MINDY1: variants seen among roughly 807,000 people sequenced by gnomAD.
MINDY1 encodes the protein MINDY lysine 48 deubiquitinase 1.
In MINDY1, 50 loss-of-function variants were observed where a neutral mutation model predicts 53.6. That is an observed-to-expected ratio of 0.93 (90% CI 0.74 to 1.18). The LOEUF (loss-of-function observed/expected upper bound fraction) is 1.18, where lower values mean the gene tolerates loss of function less well. Ranked by LOEUF, MINDY1 falls within the 50% of genes most tolerant of loss-of-function variation. The pLI is 0.00. For synonymous variants in MINDY1, 231 were observed against 234.7 expected (o/e 0.98, Z 0.14); for missense variants, 484 against 578.6 (o/e 0.84, Z 1.68).
rs966197921 is a variant in MINDY1, at chr1:151,006,501, C to A, written c.-279G>T. On this transcript the variant is annotated 5_prime_UTR_variant, in exon 1 of 10. Coordinates refer to ENST00000683666, the MANE Select transcript of MINDY1 (RefSeq NM_001376665.1). The stretch of plus-strand genomic sequence containing the variant: ...GCTGGGTTGTGGCCACTTCCGGACT[C>A]ACGCCCAGTACTGGGGGCACTGGAG... 5.7e-5 allele frequency: 60 copies of A among 1,048,950 alleles called. No individual in the cohort carries two copies. Among genetic ancestry groups the A allele is most frequent in the Non-Finnish European group, 6.7e-5 (58 of 867,930 alleles). The allele number at this position is 1,048,950 out of a possible 1,614,324, so 65.0% of individuals were successfully genotyped here.
In MINDY1 at chr1:151,000,468, C is replaced by T. The variant is rs755483762; in HGVS notation, c.724G>A (p.Val242Ile). ...LGIPLYHGWL[V>I]DPQSPEAVRA... ...CCTCCCACCCTCACCTGTGGATCAA[C>T]AAGCCAGCCATGGTACAGAGGTATG... is the stretch of plus-strand genomic sequence containing the variant. The change falls in exon 5 of 10, where the codon GTT becomes ATT. Residue 242 changes from valine to isoleucine, a missense_variant. Transcript: ENST00000683666. The T allele has an allele frequency of 6.2e-7, 1 of 1,604,142 alleles. No individual in the cohort carries two copies. Among genetic ancestry groups the T allele is most frequent in the Non-Finnish European group, 8.5e-7 (1 of 1,175,542 alleles).
Position 150,998,206 on chromosome 1 carries a change from A to G in MINDY1, c.1049T>C (p.Leu350Pro). Reference sequence around the variant, plus strand: ...GCAGCTGTCTCCATCCACATTGTGCAGGCTCTCCCATACGACTTGCTCCTC... The same window carrying G: ...GCAGCTGTCTCCATCCACATTGTGCGGGCTCTCCCATACGACTTGCTCCTC... Reference protein sequence around the residue: ...LQEEQVVWESLHNVDGDSCFC... With the variant: ...LQEEQVVWESPHNVDGDSCFC... The change falls in exon 8 of 10, where the codon CTG becomes CCG. Residue 350 changes from leucine (L) to proline (P), a missense_variant. Physicochemically the swap from Leu to Pro is moderately conservative, Grantham distance 98 (BLOSUM62 -3). Coordinates refer to ENST00000683666, the MANE Select transcript of MINDY1 (RefSeq NM_001376665.1). 1.9e-6 allele frequency: 3 copies of G among 1,614,218 alleles called. No homozygotes were observed. The highest frequency in any genetic ancestry group is 2.5e-6 in the Non-Finnish European group (3 of 1,180,048).
At position 151,001,299 on chromosome 1, in the gene MINDY1, G is replaced by A. The variant is rs1672539737; in HGVS notation, c.527C>T (p.Ser176Phe). The change falls in exon 4 of 10, where the codon TCC (serine) becomes TTC (phenylalanine). Residue 176 changes from serine to phenylalanine, a missense_variant. Physicochemically the swap from Ser to Phe is radical, Grantham distance 155. Transcript: ENST00000683666. Reference sequence around the variant, plus strand: ...CTCTGACTTCTCCTGGGGCTTGATGGACAGGAGGCAGTTTCCTACAAGACA... The same window carrying A: ...CTCTGACTTCTCCTGGGGCTTGATGAACAGGAGGCAGTTTCCTACAAGACA... ...LMAHLGNCLLSIKPQEKSEGL... is the reference protein window; with the variant it reads ...LMAHLGNCLLFIKPQEKSEGL... The A allele has an allele frequency of 6.2e-7, 1 of 1,614,128 alleles. No individual in the cohort carries two copies.
Position 150,998,096 on chromosome 1 carries a change from G to A in MINDY1, c.1159C>T (p.Leu387=), listed in dbSNP as rs762445581. The change falls in exon 8 of 10, where the codon CTG becomes TTG. Residue 387 remains leucine, a synonymous_variant. Transcript: ENST00000683666. ...EGGSGSPETQ[L]QVDQDYLIAL... ...GCCCTACACACCTGGTCTACCTGCA[G>A]CTGCGTTTCTGGGGAGCCACTCCCA... 2 of 1,611,810 alleles carry A rather than the reference G, an allele frequency of 1.2e-6. No individual in the cohort carries two copies. The highest frequency in any genetic ancestry group is 1.3e-5 in the African/African-American group (1 of 75,026).
chr1:150,999,790 C>T lies in MINDY1; in HGVS notation c.838+72G>A, dbSNP rs1256615897. 1 of 1,343,676 alleles carries T rather than the reference C, an allele frequency of 7.4e-7. No homozygotes were observed. Among genetic ancestry groups the T allele is most frequent in the Admixed American group, 1.8e-5 (1 of 54,332 alleles). 83.2% of individuals were successfully genotyped at this position (1,343,676 alleles called of 1,614,324 possible). A position where few individuals can be genotyped will look rare whatever the true frequency, so the allele number is the denominator to read the frequency against. On this transcript the variant is annotated intron_variant, in intron 6 of 9. Coordinates refer to ENST00000683666, the MANE Select transcript of MINDY1 (RefSeq NM_001376665.1). This position sits in a 1 kb window ranked among gnomAD's most constrained non-coding sequence, Gnocchi z 4.4. ...TAGTGGGATGTGGTAGGAGATGACA[C>T]CCAATAAAAAATAAGCCTAAGTAGC... is the stretch of plus-strand genomic sequence containing the variant.
Position 151,002,465 on chromosome 1 carries a change from C to G in MINDY1, c.153G>C (p.Glu51Asp), listed in dbSNP as rs368665287. The G allele has an allele frequency of 6.2e-7, 1 of 1,614,080 alleles. No homozygotes were observed. Among genetic ancestry groups the G allele is most frequent in the Non-Finnish European group, 8.5e-7 (1 of 1,180,046 alleles). ...TAGGCAGCAAAGCTTGGTCTGCTGGCTCCCGTTCTCTAGCCTCCCCATCAG... is the reference window on the plus strand; with the variant it reads ...TAGGCAGCAAAGCTTGGTCTGCTGGGTCCCGTTCTCTAGCCTCCCCATCAG... Reference protein sequence around the residue: ...RDADGEAREREPADQALLPSQ... With the variant: ...RDADGEARERDPADQALLPSQ... The change falls in exon 2 of 10, where the codon GAG (glutamate) becomes GAC (aspartate). Residue 51 changes from glutamate (E) to aspartate (D), a missense_variant. Coordinates refer to ENST00000683666, the MANE Select transcript of MINDY1 (RefSeq NM_001376665.1). The surrounding 1 kb of genome is among the most constrained non-coding windows in gnomAD (Gnocchi z 4.1).
chr1:151,006,288 A>T, intron 1 of MINDY1, 24 bp downstream of exon 1: 2 of 1,430,640 alleles, frequency 1.4e-6, no homozygotes, highest in Non-Finnish European at 9.2e-7. Context: ...GAGGTGAAGA[A>T]GATGATTAAA....
At position 150,997,760 on chromosome 1, in the gene MINDY1, GA is replaced by G; in HGVS notation, c.1192del (p.Ser398ProfsTer90). 1 of 1,613,518 alleles carries G rather than the reference GA, an allele frequency of 6.2e-7. No individual in the cohort carries two copies. Among genetic ancestry groups the G allele is most frequent in the Non-Finnish European group, 8.5e-7 (1 of 1,179,784 alleles). ...QVDQDYLIAL[S>X]LQQQQPRGPL... ...GCCTCGTGGCTGTTGCTGCTGCAGG[GA>G]CAGAGCAATCAGGTAGTCCTGGGGA... On this transcript the variant is annotated frameshift_variant, in exon 9 of 10. Coordinates refer to ENST00000683666, the MANE Select transcript of MINDY1 (RefSeq NM_001376665.1). LOFTEE classifies it high-confidence loss of function.
In MINDY1 at chr1:151,002,720, A is replaced by G. The variant is rs751817570; in HGVS notation, c.-89-14T>C. ...CAAAAGAGTGACCTGTCCAATAAGA[A>G]GGAAATCAGTGGGCTGGAAAGCAAA... On this transcript the variant is annotated splice_polypyrimidine_tract_variant and intron_variant, in intron 1 of 9. Coordinates refer to ENST00000683666, the MANE Select transcript of MINDY1 (RefSeq NM_001376665.1). The surrounding 1 kb of genome is among the most constrained non-coding windows in gnomAD (Gnocchi z 4.1). The G allele has an allele frequency of 4.5e-6, 7 of 1,566,756 alleles. No homozygotes were observed. Among genetic ancestry groups the G allele is most frequent in the Non-Finnish European group, 6.1e-6 (7 of 1,155,054 alleles).
chr1:151,005,776 ATC>A (rs1673127398), intron 1 of MINDY1, among the ~76,000 whole-genome samples: 1 of 149,582 alleles, frequency 6.7e-6, no homozygotes, highest in African/African-American at 2.4e-5. Flanking sequence ...AGTCAGATAA[ATC>A]AAAGTTTCAT....
rs938788113 is a variant in MINDY1, at chr1:151,006,899, C to A, written c.-677G>T. On this transcript the variant is annotated 5_prime_UTR_variant, in exon 1 of 10. Transcript: ENST00000683666. ...TAGAAGGGACGGAGCGCTTGTGCCT[C>A]TCTGGTGAGAATAGGGAAGAGCAAG... is the stretch of plus-strand genomic sequence containing the variant. 4 of 985,330 alleles carry A rather than the reference C, an allele frequency of 4.1e-6. No homozygotes were observed. The highest frequency in any genetic ancestry group is 3.5e-5 in the African/African-American group (2 of 57,216). The allele number at this position is 985,330 out of a possible 1,614,324, so 61.0% of individuals were successfully genotyped here. A position where few individuals can be genotyped will look rare whatever the true frequency, so the allele number is the denominator to read the frequency against.
At position 150,997,011 on chromosome 1, in the gene MINDY1, C is replaced by A; in HGVS notation, c.*276G>T. On this transcript the variant is annotated 3_prime_UTR_variant, in exon 10 of 10. Transcript: ENST00000683666. ...TCTGGATAGGGACCTCACCCCAGAG[C>A]CTCAGTCTGTACATACGTGTGACTA... 1 of 488,402 alleles carries A rather than the reference C, an allele frequency of 2.0e-6. No homozygotes were observed. The allele number at this position is 488,402 out of a possible 1,614,324, so 30.3% of individuals were successfully genotyped here. A position where few individuals can be genotyped will look rare whatever the true frequency, so the allele number is the denominator to read the frequency against.
chr1:151,000,952 A>G (rs773852183), intron 4 of MINDY1, among the ~76,000 whole-genome samples: 5 of 147,414 alleles, frequency 3.4e-5, no homozygotes, highest in Non-Finnish European at 7.4e-5. Flanking sequence ...CTAATTCTTG[A>G]AAAAAAAAAT....
rs939155337 is a variant in MINDY1, at chr1:151,006,623, G to T, written c.-401C>A. 13 of 987,870 alleles carry T rather than the reference G, an allele frequency of 1.3e-5. No individual in the cohort carries two copies. Among genetic ancestry groups the T allele is most frequent in the Non-Finnish European group, 1.6e-5 (13 of 831,736 alleles). 61.2% of individuals were successfully genotyped at this position (987,870 alleles called of 1,614,324 possible). Reference sequence around the variant, plus strand: ...CGCCGAGTCTATGGCATGCGCTCCGGGCCCTGACTACAAGCTGGTTTTCAA... The same window carrying T: ...CGCCGAGTCTATGGCATGCGCTCCGTGCCCTGACTACAAGCTGGTTTTCAA... On this transcript the variant is annotated 5_prime_UTR_variant, in exon 1 of 10. Coordinates refer to ENST00000683666, the MANE Select transcript of MINDY1 (RefSeq NM_001376665.1).
Position 150,999,448 on chromosome 1 carries a change from TCA to T in MINDY1, c.900_901del (p.Cys300Ter), listed in dbSNP as rs756365955. On this transcript the variant is annotated stop_gained and frameshift_variant, in exon 7 of 10. Coordinates refer to ENST00000683666, the MANE Select transcript of MINDY1 (RefSeq NM_001376665.1). LOFTEE classifies it high-confidence loss of function. The surrounding 1 kb of genome is among the most constrained non-coding windows in gnomAD (Gnocchi z 4.4). ...ACCCTCCTTAGCAGCTGCTGTCAGC[TCA>T]CACAGTCCGTGGTAGGTCAGCTGGG... The T allele has an allele frequency of 3.7e-6, 6 of 1,614,026 alleles. No individual in the cohort carries two copies. Among genetic ancestry groups the T allele is most frequent in the Non-Finnish European group, 5.1e-6 (6 of 1,180,038 alleles).
At chr1:151,001,209 C>T in intron 4 of MINDY1, 41 bp downstream of exon 4, 2 of 1,604,872 alleles carry the variant, frequency 1.2e-6, no homozygotes, top group Non-Finnish European at 1.7e-6. Flanking sequence ...TGTCCCCTTA[C>T]AAACCTGCAA....
rs981370672 is a variant in MINDY1, at chr1:151,006,807, C to A, written c.-585G>T. ...CTGACCCGGTCAGCAGCTTTGTGATCAGCAGAGAGGGAGCGAGAAACAGGA... is the reference window on the plus strand; with the variant it reads ...CTGACCCGGTCAGCAGCTTTGTGATAAGCAGAGAGGGAGCGAGAAACAGGA... On this transcript the variant is annotated 5_prime_UTR_variant, in exon 1 of 10. Coordinates refer to ENST00000683666, the MANE Select transcript of MINDY1 (RefSeq NM_001376665.1). 3.3e-5 allele frequency: 33 copies of A among 985,432 alleles called. No individual in the cohort carries two copies. Among genetic ancestry groups the A allele is most frequent in the Non-Finnish European group, 3.9e-5 (32 of 830,022 alleles). The allele number at this position is 985,432 out of a possible 1,614,324, so 61.0% of individuals were successfully genotyped here.
Position 151,002,157 on chromosome 1 carries a change from T to C in MINDY1, c.453+8A>G. 6.3e-7 allele frequency: 1 copy of C among 1,595,024 alleles called. No homozygotes were observed. The highest frequency in any genetic ancestry group is 8.5e-7 in the Non-Finnish European group (1 of 1,169,846). On this transcript the variant is annotated splice_region_variant and intron_variant, in intron 2 of 9. Transcript: ENST00000683666. This position sits in a 1 kb window ranked among gnomAD's most constrained non-coding sequence, Gnocchi z 4.1. ...ATTTTTTGCACCCCTAACTGCATGT[T>C]CTCTTACCTTCCACTGAAGAAAGAG...
chr1:151,004,450 C>T (rs1672920514), intron 1 of MINDY1, among the ~76,000 whole-genome samples: 1 of 152,112 alleles, frequency 6.6e-6, no homozygotes, highest in African/African-American at 2.4e-5. Flanking sequence ...TAGTTAGGGG[C>T]CAGGCGCGGT....
Sources: gnomAD v4.1 joint callset for allele counts (sites outside exome capture counted in the v4.1 genomes callset) on GRCh38, gnomAD v4.1.1 for gene constraint, Gnocchi (gnomAD v3.1) non-coding constraint, MANE v1.5 for transcripts, NCBI Gene and HGNC (gene_info 2026-07-23, HGNC 2026-07-21) for gene names.